The following C3orf70 variants were observed in gnomAD, a reference collection of about 807,000 sequenced individuals.
C3orf70 encodes the protein chromosome 3 open reading frame 70.
C3orf70 carries 15 observed loss-of-function variants against 20.7 expected under a neutral mutation model. That is an observed-to-expected ratio of 0.72 (90% CI 0.48 to 1.11). The LOEUF is 1.11. C3orf70 is among the 50% of genes most tolerant of loss of function. The probability of loss-of-function intolerance (pLI) is 0.00; values close to 1 mark genes in which losing one functional copy is unlikely to be tolerated. For synonymous variants in C3orf70, 161 were observed against 125.7 expected (o/e 1.28, Z -1.88); for missense variants, 332 against 317.6 (o/e 1.05, Z -0.34).
chr3:185,079,506 T>C lies in C3orf70; in HGVS notation c.*3501A>G, dbSNP rs1715284698. 6.6e-6 allele frequency: 1 copy of C among 152,076 alleles called. No homozygotes were observed. Among genetic ancestry groups the C allele is most frequent in the South Asian group, 2.1e-4 (1 of 4,828 alleles). The allele number at this position is 152,076 out of a possible 1,614,324, so 9.4% of individuals were successfully genotyped here. On this transcript the variant is annotated 3_prime_UTR_variant, in exon 2 of 2. Coordinates refer to ENST00000335012, the MANE Select transcript of C3orf70 (RefSeq NM_001025266.3). ...CTTATTTCATATCTTAAAAATGACATAGTAAAAAAGACCTAGATGTGATAG... is the reference window on the plus strand; with the variant it reads ...CTTATTTCATATCTTAAAAATGACACAGTAAAAAAGACCTAGATGTGATAG...
rs547747556 is a variant in C3orf70, at chr3:185,083,940, G to A, written c.197-377C>T. On this transcript the variant is annotated intron_variant, in intron 1 of 1. Transcript: ENST00000335012. ...TACAAGTTGTACAGCCGGGCGCAGTGGTTCACGCCTGTAATGTGCAGATCA... is the reference window on the plus strand; with the variant it reads ...TACAAGTTGTACAGCCGGGCGCAGTAGTTCACGCCTGTAATGTGCAGATCA... Among the ~76,000 whole-genome samples the A allele has an allele frequency of 4.6e-5, 7 of 152,282 alleles. No homozygotes were observed. The South Asian group carries it at 1.5e-3, about 32-fold the overall frequency.
chr3:185,086,046 T>C (rs530571417), intron 1 of C3orf70, among the ~76,000 whole-genome samples: 20 of 152,316 alleles, frequency 1.3e-4, no homozygotes, highest in African/African-American at 4.6e-4. Context: ...GGTTTAGTTA[T>C]CCACTGTCAC....
rs1715262591 is a variant in C3orf70 at position 185,078,937 on chromosome 3, T to C, written c.*4070A>G. 1 of 152,168 alleles carries C rather than the reference T, an allele frequency of 6.6e-6. No homozygotes were observed. The highest frequency in any genetic ancestry group is 1.5e-5 in the Non-Finnish European group (1 of 68,024). 9.4% of individuals were successfully genotyped at this position (152,168 alleles called of 1,614,324 possible). On this transcript the variant is annotated 3_prime_UTR_variant, in exon 2 of 2. Transcript: ENST00000335012. ...AAATTAGCATAAAAGGGGTTTGTTA[T>C]CGGTCCCAAAATACTTGTGATGGTT...
chr3:185,124,495 A>G (rs1716368943), intron 1 of C3orf70, among the ~76,000 whole-genome samples: 2 of 152,346 alleles, frequency 1.3e-5, no homozygotes, highest in South Asian at 4.2e-4. Flanking sequence ...GGATAGACAC[A>G]AATTTGTAAA....
At position 185,145,196 on chromosome 3, in the gene C3orf70, A is replaced by C. The variant is rs55709650; in HGVS notation, c.196+7432T>G. Among the ~76,000 whole-genome samples the C allele has an allele frequency of 5.9e-5, 9 of 152,324 alleles. 1 individual carries two copies. Among genetic ancestry groups the C allele is most frequent in the South Asian group, 4.1e-4 (2 of 4,830 alleles). On this transcript the variant is annotated intron_variant, in intron 1 of 1. Transcript: ENST00000335012. ...AACATTCTTTCCTGTAATTAATGAG[A>C]TCTATAACATGAAAGAACAAATTCG...
intron 1 of C3orf70, among the ~76,000 whole-genome samples, chr3:185,147,326 T>C (rs938109294): frequency 6.6e-6 from 1 of 152,200 alleles, no homozygotes; most frequent in Non-Finnish European, 1.5e-5. Context: ...CACCTTCTAA[T>C]TACTTTCTCT....
intron 1 of C3orf70, among the ~76,000 whole-genome samples, chr3:185,107,629 G>A (rs1329378434): frequency 6.6e-6 from 1 of 152,196 alleles, no homozygotes; most frequent in African/African-American, 2.4e-5. Flanking sequence ...GGGCTTTAGA[G>A]AAATTAGTTA....
chr3:185,127,659 C>T (rs1431392289), intron 1 of C3orf70, among the ~76,000 whole-genome samples: 1 of 151,994 alleles, frequency 6.6e-6, no homozygotes, highest in Non-Finnish European at 1.5e-5. Context: ...AGGCTGGTCT[C>T]GAACTCCTGA....
At chr3:185,084,163 A>G (rs1715412106) in intron 1 of C3orf70, among the ~76,000 whole-genome samples, 1 of 151,922 alleles carries the variant, frequency 6.6e-6, no homozygotes, top group African/African-American at 2.4e-5. Flanking sequence ...AGCCTGGGCG[A>G]CAGAGTGAGA....
chr3:185,144,793 C>A (rs1716821949), intron 1 of C3orf70, among the ~76,000 whole-genome samples: 1 of 152,216 alleles, frequency 6.6e-6, no homozygotes, highest in Admixed American at 6.5e-5. Flanking sequence ...TTAATCTTCA[C>A]AACAACTCTG....
chr3:185,136,084 T>C (rs1422099159), intron 1 of C3orf70, among the ~76,000 whole-genome samples: 1 of 152,038 alleles, frequency 6.6e-6, no homozygotes, highest in African/African-American at 2.4e-5. Context: ...AATTTAACAG[T>C]ATAGTGAGGT....
chr3:185,136,752 A>C (rs1043252906), intron 1 of C3orf70, among the ~76,000 whole-genome samples: 6 of 149,294 alleles, frequency 4.0e-5, no homozygotes, highest in Non-Finnish European at 8.9e-5. Context: ...AAACAAAAAA[A>C]CCCACAAAAA....
chr3:185,108,965 A>T (rs2108595158), intron 1 of C3orf70, among the ~76,000 whole-genome samples: 1 of 152,350 alleles, frequency 6.6e-6, no homozygotes, highest in South Asian at 2.1e-4. Flanking sequence ...CTATTAAAAC[A>T]GACAATGCCC....
At chr3:185,098,420 G>T (rs1467045995) in intron 1 of C3orf70, among the ~76,000 whole-genome samples, 2 of 152,200 alleles carry the variant, frequency 1.3e-5, no homozygotes, top group Non-Finnish European at 2.9e-5. Flanking sequence ...CTCATGGATG[G>T]TTTCAAAGAC....
intron 1 of C3orf70, among the ~76,000 whole-genome samples, chr3:185,147,004 A>T (rs1353023338): frequency 6.6e-6 from 1 of 152,232 alleles, no homozygotes; most frequent in Non-Finnish European, 1.5e-5. Context: ...CAGAGATATT[A>T]AACTCTCTAG....
intron 1 of C3orf70, among the ~76,000 whole-genome samples, chr3:185,094,740 G>A (rs905995135): frequency 1.3e-5 from 2 of 152,074 alleles, no homozygotes; most frequent in Non-Finnish European, 2.9e-5. Context: ...ATGTCTGCCT[G>A]TTTCCATGTA....
chr3:185,129,683 C>A (rs1352430039), intron 1 of C3orf70, among the ~76,000 whole-genome samples: 1 of 152,246 alleles, frequency 6.6e-6, no homozygotes. Context: ...ACTAACAGTG[C>A]AGAAGCATTC....
chr3:185,118,317 C>T (rs1561351145), intron 1 of C3orf70, among the ~76,000 whole-genome samples: 1 of 152,190 alleles, frequency 6.6e-6, no homozygotes, highest in South Asian at 2.1e-4. Context: ...CTTCCTGATG[C>T]CCTAAGTCTT....
Position 185,089,162 on chromosome 3 carries a change from A to T in C3orf70, c.197-5599T>A, listed in dbSNP as rs142079475. ...GAGGCCAACTTGCGTTATAATTCCC[A>T]AATAAATTCAACATATTTGGAGACT... On this transcript the variant is annotated intron_variant, in intron 1 of 1. Coordinates refer to ENST00000335012, the MANE Select transcript of C3orf70 (RefSeq NM_001025266.3). Among the ~76,000 whole-genome samples the T allele has an allele frequency of 1.1e-3, 169 of 152,290 alleles. 2 individuals are homozygous for T. The highest frequency in any genetic ancestry group is 3.9e-3 in the African/African-American group (164 of 41,546).
Sources: gnomAD v4.1 joint callset for allele counts (sites outside exome capture counted in the v4.1 genomes callset) on GRCh38, gnomAD v4.1.1 for gene constraint, MANE v1.5 for transcripts, NCBI Gene and HGNC (gene_info 2026-07-23, HGNC 2026-07-21) for gene names.